RAD51B: variants seen among roughly 807,000 people sequenced by gnomAD.
RAD51B encodes RAD51 paralog B.
A neutral mutation model predicts 42.2 loss-of-function variants in RAD51B; 38 were observed. The ratio of observed to expected loss-of-function variants is 0.90; its 90% confidence interval spans 0.70 to 1.18. The LOEUF (loss-of-function observed/expected upper bound fraction) is 1.18. Ranked by LOEUF, RAD51B falls within the 50% of genes most tolerant of loss-of-function variation. The pLI is 0.00. For missense variants in RAD51B, 373 were observed against 400.7 expected, an observed-to-expected ratio of 0.93 and a Z score of 0.59; for synonymous variants, 154 against 145.2, an observed-to-expected ratio of 1.06 and a Z score of -0.43.
intron 7 of RAD51B, among the ~76,000 whole-genome samples, chr14:68,283,595 C>T (rs116180533): frequency 4.6e-5 from 7 of 152,374 alleles, no homozygotes; most frequent in African/African-American, 1.4e-4. Context: ...CCCAAGATCA[C>T]TGACAGGATG....
At chr14:68,634,920 G>A (rs1455484215) in intron 10 of RAD51B, among the ~76,000 whole-genome samples, 2 of 152,196 alleles carry the variant, frequency 1.3e-5, no homozygotes, top group East Asian at 3.8e-4. Context: ...GACTGGGACA[G>A]TTCACATCCA....
chr14:68,430,323 A>G (rs559614981), intron 9 of RAD51B, among the ~76,000 whole-genome samples: 1 of 152,182 alleles, frequency 6.6e-6, no homozygotes, highest in Non-Finnish European at 1.5e-5. Flanking sequence ...CATTGAATCT[A>G]TAAATTACCT....
downstream of RAD51B, among the ~76,000 whole-genome samples, chr14:68,480,614 C>A (rs540822223): frequency 6.6e-6 from 1 of 151,574 alleles, no homozygotes; most frequent in African/African-American, 2.4e-5. Context: ...TCAAGAGAGA[C>A]GTTAGAAATT....
intron 7 of RAD51B, among the ~76,000 whole-genome samples, chr14:68,119,206 AT>A (rs905173266): frequency 4.1e-5 from 6 of 146,334 alleles, no homozygotes; most frequent in African/African-American, 1.3e-4. Context: ...AATTTTTCCG[AT>A]TTTTTTGTAG....
intron 9 of RAD51B, among the ~76,000 whole-genome samples, chr14:68,437,818 G>T (rs941768746): frequency 6.6e-6 from 1 of 152,142 alleles, no homozygotes; most frequent in African/African-American, 2.4e-5. Context: ...GGGATGGTCA[G>T]AACACTCACA....
At chr14:68,494,296 A>T (rs1243198629) in intron 10 of RAD51B, among the ~76,000 whole-genome samples, 1 of 146,504 alleles carries the variant, frequency 6.8e-6, no homozygotes, top group Admixed American at 6.7e-5. Flanking sequence ...AAAAAAAAAA[A>T]AATGACCAAT....
At chr14:68,595,977 T>C in exon 11 of RAD51B, 1 of 543,892 alleles carries the variant, frequency 1.8e-6, no homozygotes, top group Non-Finnish European at 2.5e-6. Flanking sequence ...TCAAGTTTCC[T>C]CCCATTAACA....
chr14:68,281,868 C>T (rs1247621397), intron 7 of RAD51B, among the ~76,000 whole-genome samples: 1 of 152,042 alleles, frequency 6.6e-6, no homozygotes, highest in Non-Finnish European at 1.5e-5. Context: ...CCCATTTGGA[C>T]AGTGTTCCAG....
At chr14:68,292,996 A>C (rs1448318651) in intron 8 of RAD51B, among the ~76,000 whole-genome samples, 1 of 152,198 alleles carries the variant, frequency 6.6e-6, no homozygotes, top group Non-Finnish European at 1.5e-5. Context: ...AAGTCTGCTT[A>C]GTACTTCTTT....
intron 8 of RAD51B, among the ~76,000 whole-genome samples, chr14:68,406,821 C>T (rs920945335): frequency 1.3e-5 from 2 of 152,056 alleles, no homozygotes; most frequent in African/African-American, 4.8e-5. Flanking sequence ...ATTCTATAAT[C>T]TTATTTCTGT....
At chr14:68,024,258 AAGTCAATT>A (rs1805284150) in intron 7 of RAD51B, among the ~76,000 whole-genome samples, 1 of 152,106 alleles carries the variant, frequency 6.6e-6, no homozygotes, top group South Asian at 2.1e-4. Context: ...GTACAGTTTG[AAGTCAATT>A]AGTGTAATGC....
At chr14:67,988,949 A>G (rs1003142254) in intron 7 of RAD51B, among the ~76,000 whole-genome samples, 1 of 152,264 alleles carries the variant, frequency 6.6e-6, no homozygotes, top group Non-Finnish European at 1.5e-5. Flanking sequence ...AGAGAAAACT[A>G]TTAGACTTCT....
chr14:68,149,281 A>G (rs949818376), intron 7 of RAD51B, among the ~76,000 whole-genome samples: 3 of 152,212 alleles, frequency 2.0e-5, no homozygotes, highest in Admixed American at 6.5e-5. Context: ...GCCAAGCCCA[A>G]GATCACCTAG....
intron 10 of RAD51B, among the ~76,000 whole-genome samples, chr14:68,602,097 T>C (rs1891241202): frequency 6.6e-6 from 1 of 152,034 alleles, no homozygotes. Flanking sequence ...AAGACCTCTC[T>C]GCACTGTATT....
At chr14:67,855,712 C>A (rs1280208175) in intron 4 of RAD51B, among the ~76,000 whole-genome samples, 1 of 152,184 alleles carries the variant, frequency 6.6e-6, no homozygotes, top group Admixed American at 6.5e-5. Context: ...TAGCTGCTGA[C>A]AACAGCAGCA....
intron 11 of RAD51B, among the ~76,000 whole-genome samples, chr14:68,651,770 T>A (rs1892703929): frequency 6.6e-6 from 1 of 152,236 alleles, no homozygotes; most frequent in African/African-American, 2.4e-5. Flanking sequence ...ATAATCCAGC[T>A]GGAGAGAGGC....
At chr14:68,442,028 G>A (rs2085309704) in intron 9 of RAD51B, among the ~76,000 whole-genome samples, 1 of 152,180 alleles carries the variant, frequency 6.6e-6, no homozygotes, top group African/African-American at 2.4e-5. Context: ...TCAGATTCCT[G>A]GACTTCCCAG....
chr14:68,418,498 T>G, intron 9 of RAD51B, among the ~76,000 whole-genome samples: 1 of 152,194 alleles, frequency 6.6e-6, no homozygotes. Flanking sequence ...ATTCCCCTTG[T>G]GCAGTGACCC....
downstream of RAD51B, among the ~76,000 whole-genome samples, chr14:68,613,075 C>A (rs542671314): frequency 4.6e-5 from 7 of 152,306 alleles, 1 homozygote; most frequent in South Asian, 1.5e-3. Context: ...GGGCCTGCCC[C>A]ATGACTAATA....
Sources: allele counts gnomAD v4.1 joint callset (sites outside exome capture counted in the v4.1 genomes callset), GRCh38; gene constraint gnomAD v4.1.1; transcripts MANE v1.5; gene names NCBI Gene and HGNC (gene_info 2026-07-23, HGNC 2026-07-21).